The following ROBO2 variants were observed in gnomAD, a reference collection of about 807,000 sequenced individuals.
The protein encoded by ROBO2 is roundabout guidance receptor 2.
Under a neutral mutation model 160.8 loss-of-function variants are expected in ROBO2, and 53 were observed. That is an observed-to-expected ratio of 0.33 (90% CI 0.26 to 0.41). ROBO2 has a LOEUF of 0.41. Among genes scored for constraint, ROBO2 ranks in the 10% least tolerant of loss-of-function variants. The pLI is 1.00. For synonymous variants in ROBO2, 664 were observed against 611.7 expected, an observed-to-expected ratio of 1.09 and a Z score of -1.26; for missense variants, 1,577 against 1,722.4, an observed-to-expected ratio of 0.92 and a Z score of 1.49.
At chr3:77,507,261 C>T (rs2088679499) in intron 5 of ROBO2, among the ~76,000 whole-genome samples, 1 of 152,236 alleles carries the variant, frequency 6.6e-6, no homozygotes, top group African/African-American at 2.4e-5. Context: ...AGAAGAAAGC[C>T]TTTTGAATCT....
At chr3:77,528,389 T>C (rs182014384) in intron 6 of ROBO2, among the ~76,000 whole-genome samples, 26 of 151,738 alleles carry the variant, frequency 1.7e-4, no homozygotes. Flanking sequence ...CTTGACATCA[T>C]TGACACCTGA....
chr3:77,193,047 C>T (rs969535543), intron 2 of ROBO2, among the ~76,000 whole-genome samples: 3 of 151,556 alleles, frequency 2.0e-5, no homozygotes, highest in Admixed American at 6.6e-5. Context: ...GAATGGCATG[C>T]CAGCATTAAA....
At chr3:76,656,720 G>T (rs76374511) in intron 2 of ROBO2, among the ~76,000 whole-genome samples, 1 of 151,704 alleles carries the variant, frequency 6.6e-6, no homozygotes, top group Non-Finnish European at 1.5e-5. Context: ...TCAGACCTCC[G>T]AGACATTATG....
At chr3:77,131,228 C>T (rs1271913175) in intron 2 of ROBO2, among the ~76,000 whole-genome samples, 2 of 152,086 alleles carry the variant, frequency 1.3e-5, no homozygotes, top group Non-Finnish European at 2.9e-5. Flanking sequence ...CAAACCTTTC[C>T]CTCTGAGATA....
chr3:77,362,511 C>G (rs1434216332), intron 2 of ROBO2, among the ~76,000 whole-genome samples: 2 of 152,080 alleles, frequency 1.3e-5, no homozygotes, highest in African/African-American at 2.4e-5. Flanking sequence ...GTGGAGGATT[C>G]TTGCTAAACT....
chr3:76,743,390 C>T (rs1378641086), intron 2 of ROBO2, among the ~76,000 whole-genome samples: 1 of 152,008 alleles, frequency 6.6e-6, no homozygotes, highest in African/African-American at 2.4e-5. Flanking sequence ...TCACCAAAAG[C>T]CCAAACCTCA....
intron 2 of ROBO2, among the ~76,000 whole-genome samples, chr3:76,261,112 A>C (rs1706716818): frequency 6.6e-6 from 1 of 151,834 alleles, no homozygotes. Context: ...TCTTAACTAC[A>C]AGGGGAGTTT....
intron 11 of ROBO2, among the ~76,000 whole-genome samples, chr3:77,564,199 C>A (rs1440050240): frequency 6.6e-6 from 1 of 152,004 alleles, no homozygotes; most frequent in Non-Finnish European, 1.5e-5. Context: ...TTAAGCATAT[C>A]AGAAAAATAA....
chr3:77,529,603 T>G (rs1179723796), intron 6 of ROBO2, among the ~76,000 whole-genome samples: 1 of 151,852 alleles, frequency 6.6e-6, no homozygotes, highest in South Asian at 2.1e-4. Flanking sequence ...GTACATTGAT[T>G]TGAAAATGTG....
intron 2 of ROBO2, among the ~76,000 whole-genome samples, chr3:75,974,560 ATTTAAC>A (rs2065086388): frequency 6.6e-6 from 1 of 151,662 alleles, no homozygotes; most frequent in African/African-American, 2.4e-5. Flanking sequence ...TCAACAGACA[ATTTAAC>A]TTTATGAATT....
intron 2 of ROBO2, among the ~76,000 whole-genome samples, chr3:77,275,187 C>T (rs1406024840): frequency 1.3e-5 from 2 of 151,966 alleles, no homozygotes; most frequent in African/African-American, 4.8e-5. Context: ...TAGATACAAA[C>T]CAGAATATGC....
intron 1 of ROBO2, among the ~76,000 whole-genome samples, chr3:77,051,440 C>G (rs990794080): frequency 6.6e-6 from 1 of 152,242 alleles, no homozygotes; most frequent in Middle Eastern, 3.4e-3. Flanking sequence ...TTTAAGAACC[C>G]TTTCCAGGCT....
chr3:76,295,839 T>C (rs749724124), intron 2 of ROBO2, among the ~76,000 whole-genome samples: 5 of 152,182 alleles, frequency 3.3e-5, no homozygotes, highest in Non-Finnish European at 7.3e-5. Flanking sequence ...TGAGTTTATA[T>C]AGTAGTCACA....
intron 2 of ROBO2, among the ~76,000 whole-genome samples, chr3:76,771,289 T>C (rs1434339146): frequency 1.3e-5 from 2 of 151,290 alleles, no homozygotes; most frequent in Non-Finnish European, 3.0e-5. Flanking sequence ...TCTGACTATA[T>C]TGGGGTTAAG....
chr3:76,321,112 A>G (rs28427230), intron 2 of ROBO2, among the ~76,000 whole-genome samples: 108,510 of 152,054 alleles, frequency 0.71, 43,819 homozygotes, highest in Non-Finnish European at 0.92. Flanking sequence ...ATATTGTACA[A>G]TGCATGACCT....
intron 18 of ROBO2, among the ~76,000 whole-genome samples, chr3:77,595,481 G>A (rs1426390665): frequency 6.6e-6 from 1 of 152,178 alleles, no homozygotes; most frequent in Non-Finnish European, 1.5e-5. Context: ...AGCAAATGAA[G>A]TTGCTGTTGT....
At chr3:77,425,980 G>A (rs11127595) in intron 2 of ROBO2, among the ~76,000 whole-genome samples, 25,791 of 151,882 alleles carry the variant, frequency 0.17, 2,429 homozygotes, top group African/African-American at 0.25. Context: ...ATGATTCGTG[G>A]TGTGACTAGA....
At chr3:75,916,229 C>T (rs528100533) in intron 1 of ROBO2, among the ~76,000 whole-genome samples, 43 of 152,286 alleles carry the variant, frequency 2.8e-4, no homozygotes, top group Admixed American at 1.8e-3. Flanking sequence ...TTTTCATCTT[C>T]GTTCACCTTG....
In ROBO2 at chr3:77,576,060, G is replaced by A. The variant is rs867280529; in HGVS notation, c.2203+1330G>A. Among the ~76,000 whole-genome samples the A allele has an allele frequency of 2.0e-5, 3 of 152,018 alleles. No homozygotes were observed. The South Asian group carries it at 6.2e-4, about 31-fold the overall frequency. ...AATTGACCTGTCAGGAAGCAGGCACGGTGTTCTCGCCGAGCCAGCAGCAAG... is the reference window on the plus strand; with the variant it reads ...AATTGACCTGTCAGGAAGCAGGCACAGTGTTCTCGCCGAGCCAGCAGCAAG... On this transcript the variant is annotated intron_variant, in intron 14 of 25. Coordinates refer to ENST00000461745, the Ensembl canonical transcript of ROBO2.
Sources: allele counts gnomAD v4.1 joint callset (sites outside exome capture counted in the v4.1 genomes callset), GRCh38; gene constraint gnomAD v4.1.1; transcripts MANE v1.5; gene names NCBI Gene and HGNC (gene_info 2026-07-23, HGNC 2026-07-21).